Variants in ZNF410 observed in about 807,000 individuals in gnomAD.
ZNF410 encodes another partner for ARF 1.
ZNF410 carries 18 observed loss-of-function variants against 54.8 expected under a neutral mutation model. That is an observed-to-expected ratio of 0.33 (90% CI 0.23 to 0.49). The LOEUF (loss-of-function observed/expected upper bound fraction) is 0.49. ZNF410 is among the 20% of genes least tolerant of loss of function. The pLI is 0.99. For missense variants in ZNF410, 405 were observed against 569.6 expected, an observed-to-expected ratio of 0.71 and a Z score of 2.94; for synonymous variants, 191 against 207.3, an observed-to-expected ratio of 0.92 and a Z score of 0.68.
At chr14:73,924,740 G>A (rs770922023) in intron 11 of ZNF410, 18 of 427,460 alleles carry the variant, frequency 4.2e-5, no homozygotes, top group South Asian at 2.2e-4. Context: ...GCAGTGGTGC[G>A]TTCTCGGCTC....
intron 8 of ZNF410, 170 bp downstream of exon 8, chr14:73,909,600 T>G: frequency 4.4e-6 from 2 of 451,624 alleles, no homozygotes; most frequent in Admixed American, 4.2e-5. Flanking sequence ...ATTCTTATAA[T>G]CAAGGTTGGG....
At position 73,896,344 on chromosome 14, in the gene ZNF410, C is replaced by T. The variant is rs1244899245; in HGVS notation, c.198C>T (p.Ser66=). The change falls in exon 4 of 12, where the codon TCC becomes TCT. Residue 66 remains serine, a synonymous_variant. Coordinates refer to ENST00000555044, the MANE Select transcript of ZNF410 (RefSeq NM_021188.3). The part of the protein sequence containing the change: ...PDDTTNHSNS[S]KEVPSSAVLR... ...ATACTACAAATCATTCTAACTCCTCCAAGGAGGTCCCTTCCTCAGCTGTTT... is the reference window on the plus strand; with the variant it reads ...ATACTACAAATCATTCTAACTCCTCTAAGGAGGTCCCTTCCTCAGCTGTTT... 6.2e-7 allele frequency: 1 copy of T among 1,613,988 alleles called. No individual in the cohort carries two copies. The highest frequency in any genetic ancestry group is 8.5e-7 in the Non-Finnish European group (1 of 1,180,006).
In ZNF410 at chr14:73,923,465, G is replaced by T; in HGVS notation, c.1341G>T (p.Met447Ile). ...VPDVTHHLVT[M>I]QSGRQSYEVS... ...ATGTGACACATCACCTGGTGACCATGCAGTCAGGGAGGCAATCATATGAAG... is the reference window on the plus strand; with the variant it reads ...ATGTGACACATCACCTGGTGACCATTCAGTCAGGGAGGCAATCATATGAAG... Residue 447 changes from methionine (M) to isoleucine (I), a missense_variant, in exon 11 of 12, where the codon ATG becomes ATT. By Grantham distance (10) the Met-to-Ile change is conservative. Transcript: ENST00000555044. 6.2e-7 allele frequency: 1 copy of T among 1,614,006 alleles called. No individual in the cohort carries two copies. Among genetic ancestry groups the T allele is most frequent in the Non-Finnish European group, 8.5e-7 (1 of 1,179,968 alleles).
In ZNF410 at chr14:73,932,399, G is replaced by T. The variant is rs1270263384; in HGVS notation, c.*858G>T. The stretch of plus-strand genomic sequence containing the variant: ...TCCATACCAGTAAAACTGAACCGAG[G>T]AGTCTTAGGAAACAACAAGAACATC... On this transcript the variant is annotated 3_prime_UTR_variant, in exon 12 of 12. Transcript: ENST00000555044. 3 of 443,218 alleles carry T rather than the reference G, an allele frequency of 6.8e-6. No individual in the cohort carries two copies. The highest frequency in any genetic ancestry group is 1.3e-5 in the Non-Finnish European group (3 of 223,764). 27.5% of individuals were successfully genotyped at this position (443,218 alleles called of 1,614,324 possible).
chr14:73,904,755 C>A, intron 6 of ZNF410, 147 bp from the exon 7 acceptor site: 2 of 863,036 alleles, frequency 2.3e-6, no homozygotes, highest in Non-Finnish European at 3.4e-6. Flanking sequence ...CACCACCCAG[C>A]TATAGTTTTA....
chr14:73,932,372 A>C lies in ZNF410; in HGVS notation c.*831A>C. 1 of 422,110 alleles carries C rather than the reference A, an allele frequency of 2.4e-6. No homozygotes were observed. Among genetic ancestry groups the C allele is most frequent in the Non-Finnish European group, 4.6e-6 (1 of 217,036 alleles). 26.1% of individuals were successfully genotyped at this position (422,110 alleles called of 1,614,324 possible). A position where few individuals can be genotyped will look rare whatever the true frequency, so the allele number is the denominator to read the frequency against. On this transcript the variant is annotated 3_prime_UTR_variant, in exon 12 of 12. Coordinates refer to ENST00000555044, the MANE Select transcript of ZNF410 (RefSeq NM_021188.3). Reference sequence around the variant, plus strand: ...AATAGTGTATTGATTTACCCTTAGGATTCCATACCAGTAAAACTGAACCGA... The same window carrying C: ...AATAGTGTATTGATTTACCCTTAGGCTTCCATACCAGTAAAACTGAACCGA...
In ZNF410 at chr14:73,893,945, A is replaced by G. The variant is rs747466335; in HGVS notation, c.169+13A>G. 1.2e-6 allele frequency: 2 copies of G among 1,604,702 alleles called. No homozygotes were observed. Among genetic ancestry groups the G allele is most frequent in the Non-Finnish European group, 1.7e-6 (2 of 1,176,778 alleles). ...CTAATGTTACCAGGTAAAAATTAAG[A>G]TCACTAGAAATAGGATAAAGAAGTC... On this transcript the variant is annotated intron_variant, in intron 3 of 11. Transcript: ENST00000555044.
chr14:73,905,948 C>T (rs980644260), intron 7 of ZNF410, among the ~76,000 whole-genome samples: 57 of 18,620 alleles, frequency 3.1e-3, no homozygotes, highest in African/African-American at 7.8e-3. Context: ...TATATATACA[C>T]ACACACACAC....
intron 7 of ZNF410, 74 bp downstream of exon 7, chr14:73,905,157 C>G: frequency 6.8e-7 from 1 of 1,477,972 alleles, no homozygotes; most frequent in African/African-American, 1.4e-5. Context: ...TTAGGAAAGA[C>G]TCAAGTGGGA....
chr14:73,931,431 C>T lies in ZNF410; in HGVS notation c.1399-72C>T. 3 of 1,403,954 alleles carry T rather than the reference C, an allele frequency of 2.1e-6. No homozygotes were observed. In the South Asian group the frequency reaches 3.6e-5, roughly 17 times the overall value. 87.0% of individuals were successfully genotyped at this position (1,403,954 alleles called of 1,614,324 possible). On this transcript the variant is annotated intron_variant, in intron 11 of 11. Transcript: ENST00000555044. ...CATTCTCCATCCTCCACTCTTAATA[C>T]TTTTTACTATGAATTATTTTTTCTA...
intron 5 of ZNF410, among the ~76,000 whole-genome samples, chr14:73,900,102 A>AG (rs199959305): frequency 2.5e-5 from 1 of 39,858 alleles, no homozygotes; most frequent in African/African-American, 6.9e-5. Flanking sequence ...AGGCTGAGAC[A>AG]GAACTGCTTG....
Position 73,903,990 on chromosome 14 carries a change from G to A in ZNF410, c.611G>A (p.Gly204Glu), listed in dbSNP as rs925936596. ...AATGTCCACCTTGGTTCTGGTGATG[G>A]GCAGTCAAAAGATTCTGGGCCCCTT... is the stretch of plus-strand genomic sequence containing the variant. ...GENVHLGSGD[G>E]QSKDSGPLPQ... The change falls in exon 6 of 12, where the codon GGG becomes GAG. Residue 204 changes from glycine (G) to glutamate (E), a missense_variant. Transcript: ENST00000555044. 4 of 1,614,138 alleles carry A rather than the reference G, an allele frequency of 2.5e-6. No homozygotes were observed. In the Admixed American group the frequency reaches 5.0e-5, roughly 20 times the overall value.
chr14:73,915,176 C>A (rs77819412), intron 8 of ZNF410, among the ~76,000 whole-genome samples: 1 of 147,848 alleles, frequency 6.8e-6, no homozygotes, highest in Non-Finnish European at 1.5e-5. Context: ...GCATGAGAAT[C>A]GCTTAAACCC....
chr14:73,898,453 C>CT (rs1269761766), intron 5 of ZNF410, 191 bp downstream of exon 5: 1 of 640,114 alleles, frequency 1.6e-6, no homozygotes, highest in Non-Finnish European at 2.6e-6. Flanking sequence ...TCAAAACCAA[C>CT]TAGTATTCTG....
In ZNF410 at chr14:73,931,770, C is replaced by G. The variant is rs1232284909; in HGVS notation, c.*229C>G. 5.6e-6 allele frequency: 3 copies of G among 535,170 alleles called. No homozygotes were observed. The highest frequency in any genetic ancestry group is 1.0e-5 in the Non-Finnish European group (3 of 294,094). The allele number at this position is 535,170 out of a possible 1,614,324, so 33.2% of individuals were successfully genotyped here. A position where few individuals can be genotyped will look rare whatever the true frequency, so the allele number is the denominator to read the frequency against. Reference sequence around the variant, plus strand: ...GAAGCAATGACTGTGGGCTGGGAAACTGTACCTACCTCTCTTCCCACTGCA... The same window carrying G: ...GAAGCAATGACTGTGGGCTGGGAAAGTGTACCTACCTCTCTTCCCACTGCA... On this transcript the variant is annotated 3_prime_UTR_variant, in exon 12 of 12. Coordinates refer to ENST00000555044, the MANE Select transcript of ZNF410 (RefSeq NM_021188.3).
chr14:73,919,205 C>T (rs1157271184), intron 8 of ZNF410, among the ~76,000 whole-genome samples: 3 of 151,308 alleles, frequency 2.0e-5, no homozygotes, highest in South Asian at 2.1e-4. Context: ...CTATGTTGGC[C>T]GGGCTGGTCT....
At chr14:73,891,091 CT>C (rs34857294) in intron 1 of ZNF410, among the ~76,000 whole-genome samples, 73,205 of 149,066 alleles carry the variant, frequency 0.49, 17,973 homozygotes, top group South Asian at 0.61. Flanking sequence ...CAAATTTTAA[CT>C]TTTTTTTTTT....
At chr14:73,909,523 C>A in intron 8 of ZNF410, 93 bp downstream of exon 8, 1 of 987,836 alleles carries the variant, frequency 1.0e-6, no homozygotes, top group Non-Finnish European at 1.5e-6. Flanking sequence ...TAAAAAGAAA[C>A]AAACTGTTCA....
intron 1 of ZNF410, among the ~76,000 whole-genome samples, chr14:73,891,497 G>T (rs1213023100): frequency 6.6e-6 from 1 of 152,092 alleles, no homozygotes; most frequent in Non-Finnish European, 1.5e-5. Context: ...GGGATTACAG[G>T]TGCCTGCGAC....
Sources: gnomAD v4.1 joint callset for allele counts (sites outside exome capture counted in the v4.1 genomes callset) on GRCh38, gnomAD v4.1.1 for gene constraint, MANE v1.5 for transcripts, NCBI Gene and HGNC (gene_info 2026-07-23, HGNC 2026-07-21) for gene names.